Variants in RGS17 observed in about 807,000 individuals in gnomAD.
RGS17 encodes regulator of G-protein signaling 17.
Under a neutral mutation model 25.5 loss-of-function variants are expected in RGS17, and 12 were observed. The ratio of observed to expected loss-of-function variants is 0.47; its 90% CI spans 0.30 to 0.76. RGS17 has a LOEUF of 0.76. RGS17 is among the 30% of genes least tolerant of loss of function. The probability of loss-of-function intolerance (pLI) is 0.07; values close to 1 mark genes in which losing one functional copy is unlikely to be tolerated. For missense variants in RGS17, 196 were observed against 242.2 expected, an observed-to-expected ratio of 0.81 and a Z score of 1.27; for synonymous variants, 71 against 76.9, an observed-to-expected ratio of 0.92 and a Z score of 0.40.
At chr6:153,120,222 C>G (rs1246221560) in intron 1 of RGS17, among the ~76,000 whole-genome samples, 1 of 152,186 alleles carries the variant, frequency 6.6e-6, no homozygotes, top group Non-Finnish European at 1.5e-5. Flanking sequence ...AATAATATCC[C>G]TGAGGCTTTT....
intron 4 of RGS17, among the ~76,000 whole-genome samples, chr6:153,020,137 T>G: frequency 1.9e-5 from 1 of 52,448 alleles, no homozygotes; most frequent in African/African-American, 8.7e-5. Flanking sequence ...TATATATATA[T>G]ATTTTTTTTT....
At chr6:153,053,620 T>C (rs1776491697) in intron 1 of RGS17, among the ~76,000 whole-genome samples, 1 of 151,862 alleles carries the variant, frequency 6.6e-6, no homozygotes, top group Admixed American at 6.6e-5. Flanking sequence ...CCTCCATCTT[T>C]ACAGAAAATA....
At chr6:153,044,916 G>T (rs1022382566) in intron 1 of RGS17, among the ~76,000 whole-genome samples, 1 of 152,118 alleles carries the variant, frequency 6.6e-6, no homozygotes, top group Admixed American at 6.6e-5. Context: ...ATCAAATTTA[G>T]CATGAACTCT....
rs565966378 is a variant in RGS17, at chr6:153,008,455, G to A, written c.*3119C>T. ...CTGTCAGAGCATCTCTACTACCTTT[G>A]GATAACATCATAACAGCCCGAGTAA... On this transcript the variant is annotated 3_prime_UTR_variant, in exon 5 of 5. Coordinates refer to ENST00000206262, the MANE Select transcript of RGS17 (RefSeq NM_012419.5). 160 of 152,194 alleles carry A rather than the reference G, an allele frequency of 1.1e-3. No individual in the cohort carries two copies. Among genetic ancestry groups the A allele is most frequent in the African/African-American group, 3.6e-3 (150 of 41,502 alleles). 9.4% of individuals were successfully genotyped at this position (152,194 alleles called of 1,614,324 possible). A position where few individuals can be genotyped will look rare whatever the true frequency, so the allele number is the denominator to read the frequency against.
At chr6:153,040,912 T>C (rs974706884) in intron 2 of RGS17, among the ~76,000 whole-genome samples, 19 of 151,814 alleles carry the variant, frequency 1.3e-4, no homozygotes, top group African/African-American at 4.4e-4. Context: ...CTCAGCACTT[T>C]TGAGAGGCTG....
At chr6:153,017,700 T>A (rs1188435121) in intron 4 of RGS17, among the ~76,000 whole-genome samples, 1 of 152,238 alleles carries the variant, frequency 6.6e-6, no homozygotes, top group Non-Finnish European at 1.5e-5. Flanking sequence ...TTATGTTATT[T>A]AATTCCCTGA....
chr6:153,125,962 T>C (rs1191788050), intron 1 of RGS17, among the ~76,000 whole-genome samples: 1 of 152,184 alleles, frequency 6.6e-6, no homozygotes, highest in Admixed American at 6.5e-5. Context: ...GTTATAGAAC[T>C]TAAAAAGTCA....
chr6:153,009,012 G>A lies in RGS17; in HGVS notation c.*2562C>T, dbSNP rs1779105356. The stretch of plus-strand genomic sequence containing the variant: ...ACATCTGATGTGTAAATCTGCTCTC[G>A]AATCTTTTTTAACTCAACTTCCTCA... On this transcript the variant is annotated 3_prime_UTR_variant, in exon 5 of 5. Coordinates refer to ENST00000206262, the MANE Select transcript of RGS17 (RefSeq NM_012419.5). 1 of 152,010 alleles carries A rather than the reference G, an allele frequency of 6.6e-6. No homozygotes were observed. Among genetic ancestry groups the A allele is most frequent in the African/African-American group, 2.4e-5 (1 of 41,402 alleles). The allele number at this position is 152,010 out of a possible 1,614,324, so 9.4% of individuals were successfully genotyped here.
At chr6:153,012,528 C>T (rs1779144606) in intron 4 of RGS17, among the ~76,000 whole-genome samples, 2 of 152,104 alleles carry the variant, frequency 1.3e-5, no homozygotes, top group Admixed American at 1.3e-4. Context: ...TCACTAAATG[C>T]AAATCCTCTT....
Position 153,036,730 on chromosome 6 carries a change from T to C in RGS17, c.119+7170A>G, listed in dbSNP as rs150196527. On this transcript the variant is annotated intron_variant, in intron 2 of 4. Transcript: ENST00000206262. ...TACTCATGCAAGCAATATGGAGTCA[T>C]CCTTCTCTTTCTTGTCTATCATTAA... 4.8e-4 allele frequency among the ~76,000 whole-genome samples: 73 copies of C among 152,298 alleles called. 1 individual carries two copies. In the East Asian group the frequency reaches 0.014, roughly 28 times the overall value.
intron 3 of RGS17, among the ~76,000 whole-genome samples, chr6:153,025,471 A>T (rs1222042227): frequency 6.6e-6 from 1 of 151,796 alleles, no homozygotes; most frequent in East Asian, 1.9e-4. Context: ...TGACTGCAAA[A>T]ACCACTAGTA....
intron 2 of RGS17, among the ~76,000 whole-genome samples, chr6:153,035,882 T>C (rs963283408): frequency 1.3e-5 from 2 of 152,196 alleles, no homozygotes; most frequent in African/African-American, 4.8e-5. Flanking sequence ...TCTTCCTCGT[T>C]GTACATCTTA....
intron 4 of RGS17, among the ~76,000 whole-genome samples, chr6:153,020,110 AAATATATAT>A (rs1408615295): frequency 6.7e-4 from 22 of 32,688 alleles, no homozygotes; most frequent in African/African-American, 2.4e-3. Flanking sequence ...TAAAAAAAAA[AAATATATAT>A]ATATATATAT....
intron 1 of RGS17, among the ~76,000 whole-genome samples, chr6:153,108,363 C>G (rs572929980): frequency 9.2e-5 from 14 of 152,234 alleles, no homozygotes; most frequent in Admixed American, 8.5e-4. Context: ...GCTCTAAATT[C>G]TCAGAAATGT....
chr6:153,109,073 A>G (rs1311809285), intron 1 of RGS17, among the ~76,000 whole-genome samples: 1 of 149,988 alleles, frequency 6.7e-6, no homozygotes. Context: ...ATAAAAGCCA[A>G]ATGCAATCAA....
chr6:153,078,030 C>A (rs551092249), intron 1 of RGS17, among the ~76,000 whole-genome samples: 1 of 152,042 alleles, frequency 6.6e-6, no homozygotes, highest in Non-Finnish European at 1.5e-5. Flanking sequence ...CCCACCACCA[C>A]GTCTGGCTTA....
chr6:153,103,376 GA>G (rs891926424), intron 1 of RGS17, among the ~76,000 whole-genome samples: 2 of 152,060 alleles, frequency 1.3e-5, no homozygotes, highest in African/African-American at 2.4e-5. Flanking sequence ...ATATTTCCGT[GA>G]CCTTCAGCAG....
intron 1 of RGS17, among the ~76,000 whole-genome samples, chr6:153,092,820 C>T (rs1264414570): frequency 1.3e-5 from 2 of 152,118 alleles, no homozygotes; most frequent in African/African-American, 2.4e-5. Context: ...AGTCCAGCTA[C>T]CCCCTAAGGA....
chr6:153,112,898 G>C (rs1339352462), intron 1 of RGS17, among the ~76,000 whole-genome samples: 2 of 152,150 alleles, frequency 1.3e-5, no homozygotes, highest in Non-Finnish European at 2.9e-5. Flanking sequence ...CACCAGACCT[G>C]CCTTACAAGA....
Sources: allele counts gnomAD v4.1 joint callset (sites outside exome capture counted in the v4.1 genomes callset), GRCh38; gene constraint gnomAD v4.1.1; transcripts MANE v1.5; gene names NCBI Gene and HGNC (gene_info 2026-07-23, HGNC 2026-07-21).